Variants in DMXL2 observed in about 807,000 individuals in gnomAD.
DMXL2 encodes the protein Dmx like 2.
Under a neutral mutation model 331.1 loss-of-function variants are expected in DMXL2, and 103 were observed. The ratio of observed to expected loss-of-function variants is 0.31; its 90% CI spans 0.27 to 0.37. The LOEUF (loss-of-function observed/expected upper bound fraction) is 0.37. DMXL2 is among the 10% of genes least tolerant of loss of function. The pLI, the probability that DMXL2 is intolerant of heterozygous loss-of-function variation, is 1.00. For synonymous variants in DMXL2, 1,281 were observed against 1,252.1 expected (o/e 1.02, Z -0.49); for missense variants, 3,171 against 3,642.9 (o/e 0.87, Z 3.33).
At chr15:51,566,820 GT>G (rs769836798) in intron 3 of DMXL2, among the ~76,000 whole-genome samples, 1 of 152,008 alleles carries the variant, frequency 6.6e-6, no homozygotes, top group Non-Finnish European at 1.5e-5. Flanking sequence ...CTGAGTGATG[GT>G]AAAAATGTAA....
intron 1 of DMXL2, among the ~76,000 whole-genome samples, chr15:51,582,673 A>G (rs2051519099): frequency 7.7e-6 from 1 of 129,958 alleles, no homozygotes; most frequent in East Asian, 2.2e-4. Context: ...TCTAAAAAGG[A>G]CAAATAGGTT....
At chr15:51,543,332 T>C (rs1364182860) in intron 8 of DMXL2, among the ~76,000 whole-genome samples, 2 of 152,222 alleles carry the variant, frequency 1.3e-5, no homozygotes, top group African/African-American at 4.8e-5. Context: ...ATGTTATCAA[T>C]TCTTTCTTCA....
At chr15:51,543,967 G>A (rs1596195848) in intron 8 of DMXL2, among the ~76,000 whole-genome samples, 1 of 152,194 alleles carries the variant, frequency 6.6e-6, no homozygotes, top group East Asian at 1.9e-4. Context: ...CGTTACATAA[G>A]TATAAGTAAG....
chr15:51,556,363 A>G (rs1044266790), intron 6 of DMXL2, among the ~76,000 whole-genome samples: 2 of 151,226 alleles, frequency 1.3e-5, no homozygotes, highest in African/African-American at 2.4e-5. Context: ...AAGAAAAAAA[A>G]AAAAAAAAAG....
chr15:51,486,191 G>A lies in DMXL2; in HGVS notation c.5364C>T (p.Cys1788=), dbSNP rs769616991. The A allele has an allele frequency of 1.7e-5, 27 of 1,613,916 alleles. No individual in the cohort carries two copies. Among genetic ancestry groups the A allele is most frequent in the Non-Finnish European group, 2.1e-5 (25 of 1,179,988 alleles). ...GGAAAGGATCAGGATGTAATCTTTT[G>A]CAACTGAATCCTGAGCCATCCTTTT... ...GCQKDGSGFS[C]KRLHPDPFLR... is the part of the protein sequence containing the mutation. The change falls in exon 23 of 44, where the codon TGC becomes TGT. Residue 1788 remains cysteine, a synonymous_variant. Transcript: ENST00000560891.
chr15:51,555,135 G>A (rs916770243), intron 6 of DMXL2, among the ~76,000 whole-genome samples: 1 of 152,174 alleles, frequency 6.6e-6, no homozygotes, highest in Non-Finnish European at 1.5e-5. Flanking sequence ...TCCAGCCTAG[G>A]CGACAGTGAG....
chr15:51,604,690 G>A (rs189523562), intron 1 of DMXL2, among the ~76,000 whole-genome samples: 8 of 152,234 alleles, frequency 5.3e-5, no homozygotes, highest in African/African-American at 1.7e-4. Context: ...TAAAAGAAAG[G>A]CAATCAAGTT....
Position 51,448,699 on chromosome 15 carries a change from A to C in DMXL2, c.*285T>G, listed in dbSNP as rs2038877919. On this transcript the variant is annotated 3_prime_UTR_variant, in exon 44 of 44. Transcript: ENST00000560891. ...GTCCTTTTCATTATTTCAAGTTACT[A>C]ATTTGCTAATCTCAAATGTTTTCTG... The C allele has an allele frequency of 2.5e-6, 1 of 394,552 alleles. No individual in the cohort carries two copies. The highest frequency in any genetic ancestry group is 3.7e-5 in the South Asian group (1 of 26,886). 24.4% of individuals were successfully genotyped at this position (394,552 alleles called of 1,614,324 possible).
chr15:51,470,860 C>T (rs888891494), intron 29 of DMXL2, among the ~76,000 whole-genome samples: 1 of 152,146 alleles, frequency 6.6e-6, no homozygotes, highest in Non-Finnish European at 1.5e-5. Flanking sequence ...AATGTCCATC[C>T]ATCTCCTTCT....
intron 23 of DMXL2, 58 bp downstream of exon 23, chr15:51,486,015 T>C (rs962160495): frequency 6.7e-7 from 1 of 1,489,954 alleles, no homozygotes; most frequent in African/African-American, 1.4e-5. Context: ...TGAACATTAG[T>C]TCAGAAAGTA....
chr15:51,453,435 G>GT (rs373980718), intron 41 of DMXL2, 115 bp downstream of exon 41: 78,498 of 544,238 alleles, frequency 0.14, 43 homozygotes, highest in East Asian at 0.18. Flanking sequence ...ATGTAACAAA[G>GT]TTTTTTTTTT....
chr15:51,481,490 G>C lies in DMXL2; in HGVS notation c.5616C>G (p.Asn1872Lys). The C allele has an allele frequency of 6.2e-7, 1 of 1,613,466 alleles. No individual in the cohort carries two copies. Among genetic ancestry groups the C allele is most frequent in the Non-Finnish European group, 8.5e-7 (1 of 1,179,842 alleles). The change falls in exon 24 of 44, where the codon AAC becomes AAG. Residue 1872 changes from asparagine to lysine, a missense_variant. By Grantham distance (94) the Asn-to-Lys change is moderately conservative. Around this residue, in one of 7 missense-constraint regions of DMXL2, gnomAD observed 244 missense variants for 251.4 expected, o/e 0.97. Coordinates refer to ENST00000560891, the MANE Select transcript of DMXL2 (RefSeq NM_001378457.1). ...CTATGAGGTTAATTTTATCAACAAA[G>C]TTCTTCTCAGTTTTGAGACCTAAGG... ...LATLGLKTEK[N>K]FVDKINLIER...
chr15:51,480,201 C>T, intron 24 of DMXL2, 62 bp from the exon 25 acceptor site: 1 of 1,389,810 alleles, frequency 7.2e-7, no homozygotes, highest in South Asian at 1.6e-5. Flanking sequence ...AGTTCTCTGA[C>T]AGAAATACTG....
Position 51,476,659 on chromosome 15 carries a change from A to T in DMXL2, c.6894T>A (p.Asp2298Glu). 2 of 1,611,696 alleles carry T rather than the reference A, an allele frequency of 1.2e-6. No individual in the cohort carries two copies. Among genetic ancestry groups the T allele is most frequent in the Non-Finnish European group, 1.7e-6 (2 of 1,179,224 alleles). ...TGCTTTCTGTCCTTAGTCTTCTACG[A>T]TCACTTAAAAGAAGTCCTTGATAAG... ...GMAYQGLLLS[D>E]RRRLRTESIE... The change falls in exon 27 of 44, where the codon GAT becomes GAA. Residue 2298 changes from aspartate to glutamate, a missense_variant. By Grantham distance (45) the Asp-to-Glu change is conservative. Around this residue, in one of 7 missense-constraint regions of DMXL2, gnomAD observed 766 missense variants for 940.5 expected, o/e 0.81. Transcript: ENST00000560891.
At chr15:51,543,223 T>G (rs2048701623) in intron 8 of DMXL2, among the ~76,000 whole-genome samples, 2 of 152,172 alleles carry the variant, frequency 1.3e-5, no homozygotes, top group African/African-American at 2.4e-5. Flanking sequence ...CTCACAGTAA[T>G]TCCTTATTCT....
chr15:51,590,715 A>C (rs1186716815), intron 1 of DMXL2, among the ~76,000 whole-genome samples: 1 of 152,000 alleles, frequency 6.6e-6, no homozygotes, highest in Non-Finnish European at 1.5e-5. Flanking sequence ...TTATTCAACA[A>C]CTATTCATAA....
chr15:51,479,164 T>C (rs2041821261), intron 25 of DMXL2, among the ~76,000 whole-genome samples: 1 of 152,212 alleles, frequency 6.6e-6, no homozygotes, highest in Non-Finnish European at 1.5e-5. Flanking sequence ...AAAATACTAA[T>C]ACAGGTTAAT....
intron 6 of DMXL2, among the ~76,000 whole-genome samples, chr15:51,559,148 G>A (rs2049792823): frequency 6.6e-6 from 1 of 152,116 alleles, no homozygotes; most frequent in African/African-American, 2.4e-5. Flanking sequence ...TGATATATTT[G>A]ACATTAAAAT....
At position 51,448,652 on chromosome 15, in the gene DMXL2, TCTTC is replaced by T. The variant is rs1420712059; in HGVS notation, c.*328_*331del. 1.3e-5 allele frequency: 4 copies of T among 300,192 alleles called. No homozygotes were observed. Among genetic ancestry groups the T allele is most frequent in the Non-Finnish European group, 1.9e-5 (3 of 156,564 alleles). The allele number at this position is 300,192 out of a possible 1,614,324, so 18.6% of individuals were successfully genotyped here. On this transcript the variant is annotated 3_prime_UTR_variant, in exon 44 of 44. Coordinates refer to ENST00000560891, the MANE Select transcript of DMXL2 (RefSeq NM_001378457.1). ...AGAAAAACCCAAATCAGCAACATTT[TCTTC>T]CTTAATTTGGTATAAACGTCCTTTT... is the stretch of plus-strand genomic sequence containing the variant.
Sources: gnomAD v4.1 joint callset for allele counts (sites outside exome capture counted in the v4.1 genomes callset) on GRCh38, gnomAD v4.1.1 for gene constraint, gnomAD v4.1.1 regional missense constraint, MANE v1.5 for transcripts, NCBI Gene and HGNC (gene_info 2026-07-23, HGNC 2026-07-21) for gene names.